Variants in ABCC4 observed in about 807,000 individuals in gnomAD.
ABCC4 encodes ATP-binding cassette sub-family C member 4.
A neutral mutation model predicts 168.5 loss-of-function variants in ABCC4; 102 were observed. The observed-to-expected ratio is 0.61, with a 90% CI of 0.52 to 0.71. The LOEUF (loss-of-function observed/expected upper bound fraction) is 0.71, where lower values mean the gene tolerates loss of function less well. Ranked by LOEUF, ABCC4 falls within the 30% of genes least tolerant of loss-of-function variation. The pLI is 0.00. For missense variants in ABCC4, 1,402 were observed against 1,605.8 expected, an observed-to-expected ratio of 0.87 and a Z score of 2.17; for synonymous variants, 617 against 590.7, an observed-to-expected ratio of 1.04 and a Z score of -0.65.
At chr13:95,219,767 C>T (rs1248534696) in intron 4 of ABCC4, among the ~76,000 whole-genome samples, 2 of 152,206 alleles carry the variant, frequency 1.3e-5, no homozygotes, top group African/African-American at 4.8e-5. Context: ...AATGCTCCCG[C>T]CTTGGCTTCT....
chr13:95,181,721 G>A (rs1309651663), intron 11 of ABCC4, among the ~76,000 whole-genome samples: 1 of 152,184 alleles, frequency 6.6e-6, no homozygotes, highest in Non-Finnish European at 1.5e-5. Flanking sequence ...GATGAAGTGA[G>A]AGCACGTAAC....
chr13:95,126,773 TTAAGTACA>T (rs2035789873), intron 19 of ABCC4, among the ~76,000 whole-genome samples: 9 of 116,830 alleles, frequency 7.7e-5, no homozygotes, highest in Admixed American at 1.7e-4. Context: ...ATATATATAT[TTAAGTACA>T]CCAAATATAT....
chr13:95,047,858 C>G (rs2032660994), intron 27 of ABCC4, among the ~76,000 whole-genome samples: 1 of 152,112 alleles, frequency 6.6e-6, no homozygotes. Context: ...TTACCAGTAC[C>G]TAATATTATA....
chr13:95,033,781 C>A (rs1196655552), intron 30 of ABCC4, among the ~76,000 whole-genome samples: 1 of 151,914 alleles, frequency 6.6e-6, no homozygotes, highest in Non-Finnish European at 1.5e-5. Flanking sequence ...TTCTGCCTAG[C>A]CTCCTGAGTA....
At chr13:95,194,062 A>G (rs1324725565) in intron 9 of ABCC4, among the ~76,000 whole-genome samples, 1 of 152,202 alleles carries the variant, frequency 6.6e-6, no homozygotes. Context: ...CTGGGCAGGG[A>G]GCCCACTGCT....
chr13:95,249,642 G>C (rs902393813), intron 1 of ABCC4, among the ~76,000 whole-genome samples: 2 of 152,182 alleles, frequency 1.3e-5, no homozygotes, highest in Non-Finnish European at 2.9e-5. Context: ...AACCAGTCCA[G>C]CTTCAACTTA....
At chr13:95,035,111 T>G (rs2032063709) in intron 29 of ABCC4, among the ~76,000 whole-genome samples, 1 of 152,194 alleles carries the variant, frequency 6.6e-6, no homozygotes, top group African/African-American at 2.4e-5. Flanking sequence ...GTTGGGAAAC[T>G]TCTTGATTTA....
rs1393406869 is a variant in ABCC4 at position 95,176,427 on chromosome 13, C to T, written c.1727+1280G>A. Among the ~76,000 whole-genome samples, 3 of 151,796 alleles carry T rather than the reference C, an allele frequency of 2.0e-5. 1 individual carries two copies. Among genetic ancestry groups the T allele is most frequent in the South Asian group, 4.2e-4 (2 of 4,812 alleles). Reference sequence around the variant, plus strand: ...GGAGAATCTCTTGAACCCAGGAGGTCGAGGCTGCAGTGAGCTGAGAATGCA... The same window carrying T: ...GGAGAATCTCTTGAACCCAGGAGGTTGAGGCTGCAGTGAGCTGAGAATGCA... On this transcript the variant is annotated intron_variant, in intron 13 of 30. Coordinates refer to ENST00000645237, the MANE Select transcript of ABCC4 (RefSeq NM_005845.5).
At chr13:95,177,639 G>A (rs982354350) in intron 13 of ABCC4, 68 bp downstream of exon 13, 2 of 1,354,816 alleles carry the variant, frequency 1.5e-6, no homozygotes, top group Non-Finnish European at 2.1e-6. Context: ...AAGCCATAAA[G>A]GCTTTCCTGA....
chr13:95,047,798 T>G (rs1257772396), intron 27 of ABCC4, among the ~76,000 whole-genome samples: 3 of 152,324 alleles, frequency 2.0e-5, no homozygotes, highest in Admixed American at 6.5e-5. Flanking sequence ...TTTTTAATAA[T>G]GCAGTCAGCT....
At chr13:95,128,150 T>G (rs1328713567) in intron 19 of ABCC4, among the ~76,000 whole-genome samples, 2 of 152,196 alleles carry the variant, frequency 1.3e-5, no homozygotes, top group Non-Finnish European at 2.9e-5. Flanking sequence ...ATCAAATAAC[T>G]TAATCAGAAT....
intron 1 of ABCC4, chr13:95,269,231 G>A: frequency 2.2e-6 from 1 of 452,012 alleles, no homozygotes; most frequent in South Asian, 1.6e-5. Flanking sequence ...AGTCAGGGTG[G>A]GCTGGGCCAC....
In ABCC4 at chr13:95,034,610, T is replaced by C. The variant is rs758328249; in HGVS notation, c.3865A>G (p.Lys1289Glu). ...AEAAALTETA[K>E]QVYFKRNYPH... ...ACTCCTTGGAGCACGCTCACCTGTTTTGCTGTTTCAGTGAGGGCAGCGGCT... is the reference window on the plus strand; with the variant it reads ...ACTCCTTGGAGCACGCTCACCTGTTCTGCTGTTTCAGTGAGGGCAGCGGCT... The change falls in exon 30 of 31, where the codon AAA becomes GAA. Residue 1289 changes from lysine (K) to glutamate (E), a missense_variant. Around this residue, in one of 3 missense-constraint regions of ABCC4, gnomAD observed 1,007 missense variants for 1,127.3 expected, o/e 0.89. Transcript: ENST00000645237. The C allele has an allele frequency of 6.2e-7, 1 of 1,613,102 alleles. No homozygotes were observed. Among genetic ancestry groups the C allele is most frequent in the Non-Finnish European group, 8.5e-7 (1 of 1,179,848 alleles).
chr13:95,205,725 G>C (rs530598449), intron 8 of ABCC4, among the ~76,000 whole-genome samples: 4 of 152,192 alleles, frequency 2.6e-5, no homozygotes, highest in Non-Finnish European at 4.4e-5. Context: ...GTGTTAAGAG[G>C]TGGGGCCTCT....
rs2138983950 is a variant in ABCC4 at position 95,301,414 on chromosome 13, G to C, written c.-100C>G. The C allele has an allele frequency of 9.6e-7, 1 of 1,037,038 alleles. No individual in the cohort carries two copies. Among genetic ancestry groups the C allele is most frequent in the Non-Finnish European group, 1.3e-6 (1 of 746,950 alleles). The allele number at this position is 1,037,038 out of a possible 1,614,324, so 64.2% of individuals were successfully genotyped here. A position where few individuals can be genotyped will look rare whatever the true frequency, so the allele number is the denominator to read the frequency against. On this transcript the variant is annotated 5_prime_UTR_variant, in exon 1 of 31. Coordinates refer to ENST00000645237, the MANE Select transcript of ABCC4 (RefSeq NM_005845.5). ...CTCAAGCAGGGATGCTGGGGCTCCG[G>C]CCGCCACGCCTGTCCGCTCGGCTGG...
intron 19 of ABCC4, among the ~76,000 whole-genome samples, chr13:95,137,877 G>T (rs947720329): frequency 6.6e-6 from 1 of 152,190 alleles, no homozygotes; most frequent in African/African-American, 2.4e-5. Context: ...TGCACCCAGG[G>T]AGGCAAACTG....
chr13:95,106,958 G>GT (rs1411443697), intron 20 of ABCC4, among the ~76,000 whole-genome samples: 2 of 152,094 alleles, frequency 1.3e-5, no homozygotes, highest in African/African-American at 4.8e-5. Context: ...TTTACAGACA[G>GT]TTTTTAAGAG....
At chr13:95,243,473 C>T (rs191558802) in intron 3 of ABCC4, among the ~76,000 whole-genome samples, 126 of 152,286 alleles carry the variant, frequency 8.3e-4, no homozygotes, top group African/African-American at 2.9e-3. Context: ...CTCGTCCATC[C>T]GAGGAGGAGA....
At chr13:95,190,241 A>C (rs938448159) in intron 9 of ABCC4, among the ~76,000 whole-genome samples, 1 of 152,142 alleles carries the variant, frequency 6.6e-6, no homozygotes, top group Admixed American at 6.6e-5. Flanking sequence ...CAGGAGGATG[A>C]GGCAGGAGGA....
Sources: allele counts gnomAD v4.1 joint callset (sites outside exome capture counted in the v4.1 genomes callset), GRCh38; gene constraint gnomAD v4.1.1; regional missense constraint gnomAD v4.1.1; transcripts MANE v1.5; gene names NCBI Gene and HGNC (gene_info 2026-07-23, HGNC 2026-07-21).